Variants in SORT1 observed in about 807,000 individuals in gnomAD.
SORT1 encodes the protein sortilin 1, also known as sortilin.
Under a neutral mutation model 101.7 loss-of-function variants are expected in SORT1, and 39 were observed. The ratio of observed to expected loss-of-function variants is 0.38; its 90% CI spans 0.30 to 0.50. The LOEUF is 0.50. SORT1 is among the 20% of genes least tolerant of loss of function. The probability of loss-of-function intolerance (pLI) is 0.90; values close to 1 mark genes in which losing one functional copy is unlikely to be tolerated. For missense variants in SORT1, 878 were observed against 1,040.4 expected (o/e 0.84, Z 2.15); for synonymous variants, 396 against 393.7 (o/e 1.01, Z -0.07).
chr1:109,387,615 G>A (rs1404998473), intron 1 of SORT1, among the ~76,000 whole-genome samples: 1 of 152,176 alleles, frequency 6.6e-6, no homozygotes, highest in East Asian at 1.9e-4. Flanking sequence ...ACTGTTTTCT[G>A]ATTATTAATC....
intron 1 of SORT1, among the ~76,000 whole-genome samples, chr1:109,385,225 C>T (rs1652501116): frequency 6.6e-6 from 1 of 152,198 alleles, no homozygotes; most frequent in Admixed American, 6.5e-5. Flanking sequence ...CCACTTAATA[C>T]TGTTACATTG....
chr1:109,337,175 T>C (rs917676444), intron 10 of SORT1, among the ~76,000 whole-genome samples: 4 of 152,228 alleles, frequency 2.6e-5, no homozygotes, highest in African/African-American at 4.8e-5. Flanking sequence ...CCCATTCTTA[T>C]TTTCAATGAT....
At chr1:109,389,454 T>C (rs1332441372) in intron 1 of SORT1, among the ~76,000 whole-genome samples, 1 of 152,174 alleles carries the variant, frequency 6.6e-6, no homozygotes, top group Non-Finnish European at 1.5e-5. Context: ...CACTTCCAAA[T>C]GCAGCACCAT....
chr1:109,331,003 C>T (rs933279404), intron 11 of SORT1, among the ~76,000 whole-genome samples: 1 of 152,060 alleles, frequency 6.6e-6, no homozygotes, highest in Non-Finnish European at 1.5e-5. Flanking sequence ...AAGCCTAGGA[C>T]CTGATGGATT....
chr1:109,359,712 C>T (rs1474826835), intron 3 of SORT1, among the ~76,000 whole-genome samples: 1 of 152,132 alleles, frequency 6.6e-6, no homozygotes, highest in East Asian at 1.9e-4. Flanking sequence ...GTTGGCCAGG[C>T]TGGTCTCGAA....
At chr1:109,314,858 C>G in intron 17 of SORT1, 80 bp from the exon 18 acceptor site, 1 of 729,666 alleles carries the variant, frequency 1.4e-6, no homozygotes, top group Non-Finnish European at 2.4e-6. Context: ...ACTCATTCCC[C>G]TCATCTCTTT....
chr1:109,378,958 T>C (rs549640993), intron 1 of SORT1, among the ~76,000 whole-genome samples: 4 of 150,004 alleles, frequency 2.7e-5, no homozygotes, highest in Non-Finnish European at 5.9e-5. Context: ...GCCTGACCAA[T>C]ATGGTGAAAC....
chr1:109,323,174 G>A (rs934637676), intron 14 of SORT1, 53 bp from the exon 15 acceptor site: 30 of 1,300,266 alleles, frequency 2.3e-5, no homozygotes, highest in African/African-American at 2.2e-4. Flanking sequence ...ACCCACCCAC[G>A]GGAGGCAGCT....
At chr1:109,397,108 T>C (rs1653223236) in intron 1 of SORT1, 1 of 152,034 alleles carries the variant, frequency 6.6e-6, no homozygotes, top group Admixed American at 6.6e-5. Context: ...TCCAAGCTAG[T>C]CCCCTTAACT....
At chr1:109,390,752 A>AGTGTGTGTGT (rs749381586) in intron 1 of SORT1, among the ~76,000 whole-genome samples, 46 of 144,492 alleles carry the variant, frequency 3.2e-4, no homozygotes, top group African/African-American at 1.3e-3. Context: ...AATATTAGAA[A>AGTGTGTGTGT]GTGTGTGTGT....
At chr1:109,361,059 AT>A (rs969847107) in intron 3 of SORT1, among the ~76,000 whole-genome samples, 2 of 152,166 alleles carry the variant, frequency 1.3e-5, no homozygotes, top group African/African-American at 4.8e-5. Context: ...TTCACATCCT[AT>A]TATTGCAGTC....
chr1:109,330,828 A>G (rs751777291), intron 11 of SORT1, among the ~76,000 whole-genome samples: 6 of 152,170 alleles, frequency 3.9e-5, no homozygotes, highest in Admixed American at 6.5e-5. Context: ...AGAGACTACT[A>G]TGAACAACTA....
At chr1:109,343,333 C>T (rs1032072818) in intron 8 of SORT1, among the ~76,000 whole-genome samples, 3 of 152,212 alleles carry the variant, frequency 2.0e-5, no homozygotes, top group Non-Finnish European at 4.4e-5. Flanking sequence ...AGGTCACCAA[C>T]AACCTCCACG....
Position 109,382,708 on chromosome 1 carries a change from G to C in SORT1, c.307-13119C>G, listed in dbSNP as rs538861153. 3.3e-5 allele frequency among the ~76,000 whole-genome samples: 5 copies of C among 152,252 alleles called. No homozygotes were observed. The South Asian group carries it at 1.0e-3, about 32-fold the overall frequency. ...TACTGCCCTCGGTAGGGGAGCTCTG[G>C]GAAGCAGAAGTAACTGGCTGGCATT... On this transcript the variant is annotated intron_variant, in intron 1 of 19. Coordinates refer to ENST00000256637, the MANE Select transcript of SORT1 (RefSeq NM_002959.7).
At chr1:109,343,607 C>G (rs946246965) in intron 8 of SORT1, among the ~76,000 whole-genome samples, 2 of 152,168 alleles carry the variant, frequency 1.3e-5, no homozygotes, top group African/African-American at 4.8e-5. Context: ...CTTGACATCT[C>G]CATTCAGATA....
chr1:109,378,060 G>A (rs1012004937), intron 1 of SORT1, among the ~76,000 whole-genome samples: 4 of 151,826 alleles, frequency 2.6e-5, no homozygotes, highest in East Asian at 1.9e-4. Context: ...GTGAGACCCC[G>A]CCCCCATCGC....
chr1:109,356,301 C>T lies in SORT1; in HGVS notation c.441-832G>A, dbSNP rs575798143. On this transcript the variant is annotated intron_variant, in intron 3 of 19. Transcript: ENST00000256637. Reference sequence around the variant, plus strand: ...CCCACAATAATAAAGAATTACCTGGCCCCAATGTCAAGAGTACTAAGGTTG... The same window carrying T: ...CCCACAATAATAAAGAATTACCTGGTCCCAATGTCAAGAGTACTAAGGTTG... Among the ~76,000 whole-genome samples the T allele has an allele frequency of 8.5e-5, 13 of 152,088 alleles. No individual in the cohort carries two copies. The East Asian group carries it at 9.6e-4, about 11-fold the overall frequency.
intron 1 of SORT1, chr1:109,392,794 T>C: frequency 1.0e-6 from 1 of 984,766 alleles, no homozygotes; most frequent in Non-Finnish European, 1.2e-6. Context: ...GACTATACAT[T>C]GCATGAGAGA....
At chr1:109,391,550 G>A (rs956884901) in intron 1 of SORT1, among the ~76,000 whole-genome samples, 7 of 152,210 alleles carry the variant, frequency 4.6e-5, no homozygotes, top group African/African-American at 1.7e-4. Context: ...AAACACGACA[G>A]GTTCTGAGTG....
Sources: allele counts gnomAD v4.1 joint callset (sites outside exome capture counted in the v4.1 genomes callset), GRCh38; gene constraint gnomAD v4.1.1; transcripts MANE v1.5; gene names NCBI Gene and HGNC (gene_info 2026-07-23, HGNC 2026-07-21).